SCN1A: variants seen among roughly 807,000 people sequenced by gnomAD.
The protein encoded by SCN1A is sodium channel protein type 1 subunit alpha.
A neutral mutation model predicts 193.7 loss-of-function variants in SCN1A; 13 were observed. The ratio of observed to expected loss-of-function variants is 0.07; its 90% CI spans 0.04 to 0.11. SCN1A has a LOEUF of 0.11. Among genes scored for constraint, SCN1A ranks in the 10% least tolerant of loss-of-function variants. The probability of loss-of-function intolerance (pLI) is 1.00; values close to 1 mark genes in which losing one functional copy is unlikely to be tolerated. For synonymous variants in SCN1A, 781 were observed against 843.6 expected (o/e 0.93, Z 1.29); for missense variants, 1,432 against 2,451.1 (o/e 0.58, Z 8.78).
chr2:166,053,842 C>T (rs1698853702), intron 7 of SCN1A, among the ~76,000 whole-genome samples: 1 of 151,796 alleles, frequency 6.6e-6, no homozygotes, highest in South Asian at 2.1e-4. Flanking sequence ...TTCACTTAGT[C>T]TGGAATGGTT....
At chr2:166,052,104 C>T in intron 8 of SCN1A, 116 bp from the exon 9 acceptor site, 1 of 906,542 alleles carries the variant, frequency 1.1e-6, no homozygotes. Flanking sequence ...GTTTGCAACG[C>T]TAGTGGAGAA....
intron 16 of SCN1A, among the ~76,000 whole-genome samples, 178 bp downstream of exon 16, chr2:166,041,053 T>C (rs112598631): frequency 7.9e-5 from 12 of 152,200 alleles, no homozygotes; most frequent in African/African-American, 2.9e-4. Flanking sequence ...TGTGAGCACA[T>C]TAAGGGTGAT....
Position 165,994,301 on chromosome 2 carries a change from C to T in SCN1A, c.4697G>A (p.Ser1566Asn), listed in dbSNP as rs200263247. 2.5e-6 allele frequency: 4 copies of T among 1,613,120 alleles called. No individual in the cohort carries two copies. The Admixed American group carries it at 6.7e-5, about 27-fold the overall frequency. The change falls in exon 28 of 29, where the codon AGT becomes AAT. Residue 1566 changes from serine (S) to asparagine (N), a missense_variant. Transcript: ENST00000674923. Reference sequence around the variant, plus strand: ...TGACAAAATGGTAGTCACATATTCACTCTGGTCATCTGTTTCCACCATCAT... The same window carrying T: ...TGACAAAATGGTAGTCACATATTCATTCTGGTCATCTGTTTCCACCATCAT... ...VTMMVETDDQSEYVTTILSRI... is the reference protein window; with the variant it reads ...VTMMVETDDQNEYVTTILSRI...
At chr2:166,031,640 G>A (rs1695568044) in intron 19 of SCN1A, among the ~76,000 whole-genome samples, 1 of 152,078 alleles carries the variant, frequency 6.6e-6, no homozygotes, top group South Asian at 2.1e-4. Flanking sequence ...GACAAATAGT[G>A]GAGTATGTTA....
intron 19 of SCN1A, among the ~76,000 whole-genome samples, chr2:166,019,050 T>C (rs2105662197): frequency 6.6e-6 from 1 of 152,270 alleles, no homozygotes; most frequent in Non-Finnish European, 1.5e-5. Flanking sequence ...GGACCATGGG[T>C]GGGCTGTAGA....
At position 166,043,897 on chromosome 2, in the gene SCN1A, T is replaced by C; in HGVS notation, c.1815A>G (p.Arg605=). Residue 605 remains arginine, a synonymous_variant, in exon 14 of 29, where the codon AGA becomes AGG. Coordinates refer to ENST00000674923, the MANE Select transcript of SCN1A (RefSeq NM_001165963.4). ...GTCGTCGGGGCACAAACAAGGAATC[T>C]CTACGGCTCTCGTTATCCTCAAAGG... ...HSTFEDNESR[R]DSLFVPRRHG... 6.2e-7 allele frequency: 1 copy of C among 1,614,152 alleles called. No homozygotes were observed.
chr2:166,000,890 A>C (rs1470726442), intron 24 of SCN1A, among the ~76,000 whole-genome samples: 1 of 147,752 alleles, frequency 6.8e-6, no homozygotes, highest in Admixed American at 7.0e-5. Context: ...GCAGTATTTT[A>C]GAGGGTTTTT....
chr2:166,101,839 A>G (rs1464775190), intron 2 of SCN1A, among the ~76,000 whole-genome samples: 2 of 152,200 alleles, frequency 1.3e-5, no homozygotes, highest in Non-Finnish European at 2.9e-5. Context: ...AAGTCTCCAA[A>G]AGCAATTGCA....
chr2:166,117,078 C>G (rs1443204834), intron 2 of SCN1A, among the ~76,000 whole-genome samples: 1 of 152,140 alleles, frequency 6.6e-6, no homozygotes, highest in African/African-American at 2.4e-5. Context: ...AATTTTGTCA[C>G]TGACAACAAA....
intron 1 of SCN1A, among the ~76,000 whole-genome samples, chr2:166,146,634 T>TA (rs780583596): frequency 4.6e-5 from 7 of 152,194 alleles, no homozygotes; most frequent in Non-Finnish European, 8.8e-5. Flanking sequence ...ATGTCAATAG[T>TA]ACTGAGTTGA....
At chr2:166,145,442 C>G (rs892728900) in intron 1 of SCN1A, among the ~76,000 whole-genome samples, 2 of 151,978 alleles carry the variant, frequency 1.3e-5, no homozygotes, top group South Asian at 4.2e-4. Flanking sequence ...TATTAGGTTC[C>G]TTAATCCACA....
At position 166,051,791 on chromosome 2, in the gene SCN1A, C is replaced by T. The variant is rs772149865; in HGVS notation, c.892G>A (p.Val298Met). Residue 298 changes from valine (V) to methionine (M), a missense_variant, in exon 9 of 29, where the codon GTG becomes ATG. Physicochemically the swap from Val to Met is conservative, Grantham distance 21. This residue lies in a region of SCN1A where 52 missense variants were observed against 59.6 expected (regional missense o/e 0.87). Transcript: ENST00000674923. ...EEHSIEKNIT[V>M]NYNGTLINET... ...TTTATAAGTGTACCATTATAATTCA[C>T]AGTTATATTCTTTTCTATACTATGT... The T allele has an allele frequency of 1.9e-6, 3 of 1,610,522 alleles. No homozygotes were observed. The highest frequency in any genetic ancestry group is 2.7e-5 in the African/African-American group (2 of 74,732).
chr2:166,059,552 A>C (rs1683061081), intron 4 of SCN1A: 1 of 152,178 alleles, frequency 6.6e-6, no homozygotes, highest in Non-Finnish European at 1.5e-5. Flanking sequence ...GCTCTGACTC[A>C]ATGTTTTCCA....
rs1403804602 is a variant in SCN1A at position 165,992,438 on chromosome 2, G to A, written c.4853-16C>T. On this transcript the variant is annotated splice_polypyrimidine_tract_variant and intron_variant, in intron 28 of 28. Transcript: ENST00000674923. This position sits in a 1 kb window ranked among gnomAD's most constrained non-coding sequence, Gnocchi z 6.5. Reference sequence around the variant, plus strand: ...AGAAACATACCTATGAATAAACAATGAGAATACCAACCAGTGAAGAAATCA... The same window carrying A: ...AGAAACATACCTATGAATAAACAATAAGAATACCAACCAGTGAAGAAATCA... The A allele has an allele frequency of 3.1e-6, 5 of 1,612,626 alleles. No individual in the cohort carries two copies. The highest frequency in any genetic ancestry group is 1.3e-5 in the African/African-American group (1 of 74,886).
intron 4 of SCN1A, among the ~76,000 whole-genome samples, chr2:166,067,483 T>C (rs1209029252): frequency 6.6e-6 from 1 of 151,602 alleles, no homozygotes; most frequent in Non-Finnish European, 1.5e-5. Context: ...TTTTTTTTTT[T>C]CCACTGCTGT....
At chr2:166,053,204 C>T (rs1320759786) in intron 7 of SCN1A, 2 of 669,298 alleles carry the variant, frequency 3.0e-6, no homozygotes, top group Non-Finnish European at 5.3e-6. Context: ...TTATAAAGAC[C>T]TTCTTGGTGA....
chr2:166,072,126 A>C (rs1684492799), intron 4 of SCN1A, among the ~76,000 whole-genome samples: 1 of 152,200 alleles, frequency 6.6e-6, no homozygotes, highest in Admixed American at 6.5e-5. Flanking sequence ...CCAGAAACAG[A>C]GTCCCTAAAA....
upstream of SCN1A, among the ~76,000 whole-genome samples, chr2:166,129,388 C>G (rs1393008536): frequency 1.3e-5 from 2 of 152,092 alleles, no homozygotes; most frequent in East Asian, 1.9e-4. Context: ...AATTATGGAC[C>G]AATGGGTCCA....
intron 1 of SCN1A, among the ~76,000 whole-genome samples, chr2:166,148,302 T>C (rs1056259587): frequency 7.9e-5 from 12 of 152,332 alleles, no homozygotes; most frequent in Admixed American, 7.8e-4. Flanking sequence ...TCTAGGCTTT[T>C]CTGCAGCATT....
Sources: allele counts gnomAD v4.1 joint callset (sites outside exome capture counted in the v4.1 genomes callset), GRCh38; gene constraint gnomAD v4.1.1; regional missense constraint gnomAD v4.1.1; non-coding constraint Gnocchi (gnomAD v3.1); transcripts MANE v1.5; gene names NCBI Gene and HGNC (gene_info 2026-07-23, HGNC 2026-07-21).